MCC: variants seen among roughly 807,000 people sequenced by gnomAD.
MCC encodes MCC regulator of Wnt signaling pathway.
In MCC, 90 loss-of-function variants were observed where a neutral mutation model predicts 116.2. The ratio of observed to expected loss-of-function variants is 0.77; its 90% CI spans 0.65 to 0.92. The LOEUF (loss-of-function observed/expected upper bound fraction) is 0.92, where lower values mean the gene tolerates loss of function less well. Ranked by LOEUF, MCC falls within the 40% of genes least tolerant of loss-of-function variation. The probability of loss-of-function intolerance (pLI) is 0.00; values close to 1 mark genes in which losing one functional copy is unlikely to be tolerated. For missense variants in MCC, 1,516 were observed against 1,312.2 expected, an observed-to-expected ratio of 1.16 and a Z score of -2.40; for synonymous variants, 578 against 510.5, an observed-to-expected ratio of 1.13 and a Z score of -1.78.
At chr5:113,449,180 G>T (rs1024145670) in intron 1 of MCC, among the ~76,000 whole-genome samples, 1 of 152,118 alleles carries the variant, frequency 6.6e-6, no homozygotes, top group Non-Finnish European at 1.5e-5. Context: ...ATCCTTACTG[G>T]AAGCCAATTT....
chr5:113,452,698 A>G (rs1042203640), intron 1 of MCC, among the ~76,000 whole-genome samples: 4 of 152,222 alleles, frequency 2.6e-5, no homozygotes, highest in African/African-American at 9.6e-5. Flanking sequence ...TTAATGCCAC[A>G]CCAGAAGGGC....
At chr5:113,463,599 G>T (rs913363875) in intron 1 of MCC, among the ~76,000 whole-genome samples, 1 of 152,206 alleles carries the variant, frequency 6.6e-6, no homozygotes, top group African/African-American at 2.4e-5. Flanking sequence ...AAGCCTGGAA[G>T]ATTAGTTTTG....
intron 3 of MCC, among the ~76,000 whole-genome samples, chr5:113,174,402 T>C (rs1440876663): frequency 1.3e-5 from 2 of 152,180 alleles, no homozygotes; most frequent in African/African-American, 4.8e-5. Flanking sequence ...TTTGATCTAA[T>C]GATTTACTAG....
intron 3 of MCC, among the ~76,000 whole-genome samples, chr5:113,274,832 CTCTT>C (rs764357279): frequency 1.4e-4 from 22 of 152,304 alleles, no homozygotes; most frequent in East Asian, 3.9e-4. Context: ...CCACAATCAA[CTCTT>C]TCTATTTTCA....
chr5:113,111,151 G>A (rs923466566), intron 6 of MCC, among the ~76,000 whole-genome samples: 6 of 152,206 alleles, frequency 3.9e-5, no homozygotes, highest in Non-Finnish European at 7.3e-5. Flanking sequence ...GCTGTTTGGG[G>A]AAAGATCCAC....
At chr5:113,128,875 A>G (rs751799297) in intron 5 of MCC, among the ~76,000 whole-genome samples, 3 of 152,224 alleles carry the variant, frequency 2.0e-5, no homozygotes, top group African/African-American at 4.8e-5. Flanking sequence ...ATGCAACAAC[A>G]TGAAGATGAA....
intron 3 of MCC, among the ~76,000 whole-genome samples, chr5:113,157,333 A>T (rs1760227461): frequency 6.6e-6 from 1 of 152,216 alleles, no homozygotes; most frequent in African/African-American, 2.4e-5. Context: ...TTTTCCCATG[A>T]AACACAGTTG....
At chr5:113,139,789 A>C (rs916902384) in intron 5 of MCC, among the ~76,000 whole-genome samples, 2 of 152,132 alleles carry the variant, frequency 1.3e-5, no homozygotes, top group Non-Finnish European at 2.9e-5. Context: ...ATTCTACTAT[A>C]AAGACACATG....
intron 1 of MCC, among the ~76,000 whole-genome samples, chr5:113,414,490 T>C (rs6889489): frequency 0.17 from 26,051 of 152,244 alleles, 2,448 homozygotes; most frequent in Non-Finnish European, 0.22. Context: ...AGTTAGCTCT[T>C]CTTGTTGAAT....
chr5:113,423,367 G>A (rs890037366), intron 1 of MCC, among the ~76,000 whole-genome samples: 1 of 152,004 alleles, frequency 6.6e-6, no homozygotes. Flanking sequence ...TATTAAACAG[G>A]GTGTCTTTAA....
At chr5:113,051,728 C>CAACAAACA (rs36220203) in intron 15 of MCC, among the ~76,000 whole-genome samples, 4 of 151,374 alleles carry the variant, frequency 2.6e-5, no homozygotes, top group Non-Finnish European at 5.9e-5. Flanking sequence ...TGTTTCAAAA[C>CAACAAACA]AACAAACAAA....
At chr5:113,287,791 T>TTACCG (rs1766321568) in intron 3 of MCC, among the ~76,000 whole-genome samples, 1 of 152,218 alleles carries the variant, frequency 6.6e-6, no homozygotes, top group Non-Finnish European at 1.5e-5. Flanking sequence ...CATTCCCTAC[T>TTACCG]CTAGATAAGT....
intron 3 of MCC, among the ~76,000 whole-genome samples, chr5:113,339,454 T>G (rs970283573): frequency 1.3e-5 from 2 of 148,390 alleles, no homozygotes; most frequent in African/African-American, 2.5e-5. Context: ...CATGTGTGTT[T>G]TACTGTAATG....
At chr5:113,028,360 T>C (rs981993320) in intron 18 of MCC, among the ~76,000 whole-genome samples, 6 of 146,774 alleles carry the variant, frequency 4.1e-5, no homozygotes, top group African/African-American at 1.5e-4. Context: ...TCTTGGAAAA[T>C]AGTTTTTCAT....
At chr5:113,479,307 G>A (rs1302899451) in intron 1 of MCC, among the ~76,000 whole-genome samples, 2 of 152,202 alleles carry the variant, frequency 1.3e-5, no homozygotes, top group Non-Finnish European at 2.9e-5. Context: ...AGTGGTTGCA[G>A]GGGACTGGGT....
At chr5:113,051,716 C>T (rs886104709) in intron 15 of MCC, among the ~76,000 whole-genome samples, 2 of 144,648 alleles carry the variant, frequency 1.4e-5, no homozygotes, top group African/African-American at 5.1e-5. Context: ...ACAGTGAGAC[C>T]CTGTTTCAAA....
intron 5 of MCC, among the ~76,000 whole-genome samples, chr5:113,132,427 C>CATATATATATATATATATAT (rs1162820789): frequency 2.8e-5 from 3 of 107,332 alleles, no homozygotes; most frequent in African/African-American, 4.2e-5. Flanking sequence ...TACACACATA[C>CATATATATATATATATATAT]ATATATATAT....
chr5:113,115,573 T>C (rs567468350), intron 6 of MCC, among the ~76,000 whole-genome samples: 2 of 152,132 alleles, frequency 1.3e-5, no homozygotes, highest in Non-Finnish European at 2.9e-5. Context: ...TGCGAGCCTC[T>C]ACTGACCTTG....
At chr5:113,036,012 CTTTTTTTTTTTTTTTTTTTTTTTT>C (rs771378295) in intron 17 of MCC, among the ~76,000 whole-genome samples, 15 of 62,904 alleles carry the variant, frequency 2.4e-4, no homozygotes, top group East Asian at 1.7e-3. Context: ...GGATGAGGAA[CTTTTTTTTTTTTTTTTTTTTTTTT>C]TTTTTTTTTT....
Sources: allele counts gnomAD v4.1 joint callset (sites outside exome capture counted in the v4.1 genomes callset), GRCh38; gene constraint gnomAD v4.1.1; transcripts MANE v1.5; gene names NCBI Gene and HGNC (gene_info 2026-07-23, HGNC 2026-07-21).